Variants in EHBP1 observed in about 807,000 individuals in gnomAD.
EHBP1 encodes EH domain-binding protein 1.
Under a neutral mutation model 144.0 loss-of-function variants are expected in EHBP1, and 55 were observed. The observed-to-expected ratio is 0.38, with a 90% CI of 0.31 to 0.48. The LOEUF (loss-of-function observed/expected upper bound fraction) is 0.48, where lower values mean the gene tolerates loss of function less well. EHBP1 is among the 20% of genes least tolerant of loss of function. The probability of loss-of-function intolerance (pLI) is 0.98; values close to 1 mark genes in which losing one functional copy is unlikely to be tolerated. For synonymous variants in EHBP1, 469 were observed against 472.7 expected, an observed-to-expected ratio of 0.99 and a Z score of 0.10; for missense variants, 1,200 against 1,364.2, an observed-to-expected ratio of 0.88 and a Z score of 1.90.
At chr2:62,911,742 G>A (rs150288519) in intron 10 of EHBP1, among the ~76,000 whole-genome samples, 1,717 of 152,234 alleles carry the variant, frequency 0.011, 12 homozygotes, top group Non-Finnish European at 0.018. Flanking sequence ...GATTACAGAC[G>A]TGAGCCACGG....
At chr2:62,897,403 A>G (rs1175527517) in intron 10 of EHBP1, among the ~76,000 whole-genome samples, 1 of 152,196 alleles carries the variant, frequency 6.6e-6, no homozygotes, top group Non-Finnish European at 1.5e-5. Context: ...CAATGCTGCA[A>G]TGAATAACCT....
Position 63,045,673 on chromosome 2 carries a change from A to G in EHBP1, c.*173A>G, listed in dbSNP as rs773364217. 3.6e-5 allele frequency: 21 copies of G among 576,790 alleles called. No homozygotes were observed. Among genetic ancestry groups the G allele is most frequent in the Non-Finnish European group, 6.2e-5 (20 of 323,952 alleles). 35.7% of individuals were successfully genotyped at this position (576,790 alleles called of 1,614,324 possible). A position where few individuals can be genotyped will look rare whatever the true frequency, so the allele number is the denominator to read the frequency against. ...TTCCTCCCTCCTTTCCAAATAATAT[A>G]CAGAACTCCAAAATAGCTTCATTTA... On this transcript the variant is annotated 3_prime_UTR_variant, in exon 23 of 23. Coordinates refer to ENST00000431489, the MANE Select transcript of EHBP1 (RefSeq NM_001142616.3). The surrounding 1 kb of genome is among the most constrained non-coding windows in gnomAD (Gnocchi z 5.7).
At chr2:62,738,361 A>T (rs1044866099) in intron 2 of EHBP1, among the ~76,000 whole-genome samples, 5 of 152,130 alleles carry the variant, frequency 3.3e-5, no homozygotes, top group African/African-American at 4.8e-5. Flanking sequence ...AACATTTTTT[A>T]AAAATTTCCT....
chr2:62,700,385 C>T (rs990364917), intron 1 of EHBP1, among the ~76,000 whole-genome samples: 2 of 152,016 alleles, frequency 1.3e-5, no homozygotes, highest in Non-Finnish European at 2.9e-5. Flanking sequence ...GTCAATTTGG[C>T]AGGAACTGCA....
At chr2:62,744,152 C>G (rs112162350) in intron 2 of EHBP1, among the ~76,000 whole-genome samples, 4 of 152,106 alleles carry the variant, frequency 2.6e-5, no homozygotes, top group African/African-American at 9.6e-5. Flanking sequence ...ATGTGTATGT[C>G]CATAAAATGT....
upstream of EHBP1, among the ~76,000 whole-genome samples, chr2:62,703,138 C>T (rs1311982153): frequency 1.3e-5 from 2 of 151,824 alleles, no homozygotes; most frequent in Non-Finnish European, 2.9e-5. Flanking sequence ...GCCTGGGCAA[C>T]GTGGTGAAAC....
chr2:62,778,198 C>T (rs1014203477), intron 5 of EHBP1, among the ~76,000 whole-genome samples: 2 of 152,010 alleles, frequency 1.3e-5, no homozygotes, highest in Non-Finnish European at 2.9e-5. Context: ...ATGTTACCTC[C>T]GGAAGACTTT....
intron 12 of EHBP1, among the ~76,000 whole-genome samples, chr2:62,947,962 TCTTTATA>T (rs2153088440): frequency 1.3e-5 from 2 of 152,306 alleles, no homozygotes; most frequent in Admixed American, 1.3e-4. Context: ...GTCTAATGTT[TCTTTATA>T]CTTTAGTTCC....
intron 2 of EHBP1, among the ~76,000 whole-genome samples, chr2:62,720,151 C>T (rs1191536597): frequency 6.6e-6 from 1 of 152,086 alleles, no homozygotes; most frequent in African/African-American, 2.4e-5. Flanking sequence ...TTGTTTGGAC[C>T]TGACTACTTA....
At chr2:62,680,807 A>G (rs1034429542) in intron 1 of EHBP1, among the ~76,000 whole-genome samples, 7 of 152,186 alleles carry the variant, frequency 4.6e-5, no homozygotes, top group African/African-American at 1.7e-4. Context: ...TTCGTGGGAT[A>G]TAAGTCCTAT....
At chr2:62,834,922 C>T (rs1573601443) in intron 7 of EHBP1, among the ~76,000 whole-genome samples, 1 of 152,134 alleles carries the variant, frequency 6.6e-6, no homozygotes, top group African/African-American at 2.4e-5. Context: ...TCTTCCATCT[C>T]CACGAAGGGA....
intron 3 of EHBP1, among the ~76,000 whole-genome samples, chr2:62,751,873 T>C (rs1297244631): frequency 6.6e-6 from 1 of 152,220 alleles, no homozygotes; most frequent in Non-Finnish European, 1.5e-5. Context: ...TTCTTCTCTC[T>C]TTTCTTCTTT....
At chr2:62,863,021 G>A (rs866136852) in intron 8 of EHBP1, among the ~76,000 whole-genome samples, 3 of 152,048 alleles carry the variant, frequency 2.0e-5, no homozygotes, top group East Asian at 3.9e-4. Context: ...AGTGGCTCAC[G>A]CCTGTAATCC....
In EHBP1 at chr2:62,782,158, A is replaced by G. The variant is rs78133727; in HGVS notation, c.312+10766A>G. Among the ~76,000 whole-genome samples the G allele has an allele frequency of 1.3e-4, 20 of 152,320 alleles. No homozygotes were observed. The East Asian group carries it at 3.1e-3, about 24-fold the overall frequency. On this transcript the variant is annotated intron_variant, in intron 5 of 22. Coordinates refer to ENST00000431489, the MANE Select transcript of EHBP1 (RefSeq NM_001142616.3). ...GGCACTAGATTTAGAGCCTAGTGCT[A>G]TATTAACTACTATGGAGGATACAAG...
intron 5 of EHBP1, among the ~76,000 whole-genome samples, chr2:62,819,920 T>C (rs1247277906): frequency 2.0e-5 from 3 of 151,864 alleles, no homozygotes; most frequent in African/African-American, 7.3e-5. Context: ...ATTAAGAACA[T>C]GATGTTGAGG....
At chr2:63,040,084 A>T (rs887825304) in intron 21 of EHBP1, among the ~76,000 whole-genome samples, 1 of 151,600 alleles carries the variant, frequency 6.6e-6, no homozygotes, top group East Asian at 1.9e-4. Flanking sequence ...GTCATGGTAT[A>T]GTCTTTAAAA....
At position 62,791,606 on chromosome 2, in the gene EHBP1, C is replaced by T. The variant is rs72807579; in HGVS notation, c.312+20214C>T. ...CTGTAATCGAGTGAAAAATATCTGA[C>T]GTTAAAAGTTTTAAAAATAAAAAAT... On this transcript the variant is annotated intron_variant, in intron 5 of 22. Transcript: ENST00000431489. Among the ~76,000 whole-genome samples, 1,273 of 151,760 alleles carry T rather than the reference C, an allele frequency of 8.4e-3. 12 individuals carry two copies. The highest frequency in any genetic ancestry group is 0.014 in the Middle Eastern group (4 of 294).
intron 3 of EHBP1, 50 bp downstream of exon 3, chr2:62,747,502 A>G: frequency 7.3e-7 from 1 of 1,377,016 alleles, no homozygotes; most frequent in African/African-American, 1.4e-5. Context: ...ACAAATTAGC[A>G]AACTGCTCTG....
chr2:62,727,932 T>C (rs1296534671), intron 2 of EHBP1, among the ~76,000 whole-genome samples: 6 of 152,094 alleles, frequency 3.9e-5, no homozygotes, highest in Admixed American at 3.9e-4. Context: ...AAACAGCTGG[T>C]AGGGAATTTT....
Sources: allele counts gnomAD v4.1 joint callset (sites outside exome capture counted in the v4.1 genomes callset), GRCh38; gene constraint gnomAD v4.1.1; non-coding constraint Gnocchi (gnomAD v3.1); transcripts MANE v1.5; gene names NCBI Gene and HGNC (gene_info 2026-07-23, HGNC 2026-07-21).